Variants in TTC33 observed in about 807,000 individuals in gnomAD.
The protein encoded by TTC33 is tetratricopeptide repeat domain 33.
TTC33 carries 24 observed loss-of-function variants against 29.4 expected under a neutral mutation model. The ratio of observed to expected loss-of-function variants is 0.82; its 90% confidence interval spans 0.59 to 1.15. The LOEUF (loss-of-function observed/expected upper bound fraction) is 1.15. Among genes scored for constraint, TTC33 ranks in the 50% most tolerant of loss-of-function variants. The pLI, the probability that TTC33 is intolerant of heterozygous loss-of-function variation, is 0.00. For synonymous variants in TTC33, 107 were observed against 100.3 expected (o/e 1.07, Z -0.40); for missense variants, 286 against 310.4 (o/e 0.92, Z 0.59).
intron 4 of TTC33, among the ~76,000 whole-genome samples, chr5:40,717,791 C>A (rs571368352): frequency 1.3e-5 from 2 of 152,288 alleles, no homozygotes; most frequent in East Asian, 3.9e-4. Context: ...CGGCCAGGCA[C>A]CATGGCTCAC....
At chr5:40,754,456 A>C (rs1742949440) in intron 1 of TTC33, among the ~76,000 whole-genome samples, 1 of 152,208 alleles carries the variant, frequency 6.6e-6, no homozygotes, top group African/African-American at 2.4e-5. Context: ...TCAAAGTAAA[A>C]GGAAAATAAC....
intron 1 of TTC33, among the ~76,000 whole-genome samples, chr5:40,749,058 G>A (rs1391742565): frequency 6.6e-6 from 1 of 152,030 alleles, no homozygotes; most frequent in African/African-American, 2.4e-5. Flanking sequence ...CCCGGGAGGC[G>A]GAGGTTGCAG....
chr5:40,755,628 G>A (rs1742972135), intron 1 of TTC33, among the ~76,000 whole-genome samples, 196 bp downstream of exon 1: 1 of 152,212 alleles, frequency 6.6e-6, no homozygotes, highest in African/African-American at 2.4e-5. Flanking sequence ...AGGCTCTGCC[G>A]GATCCCGTCG....
chr5:40,751,689 T>C (rs1455330758), intron 1 of TTC33, among the ~76,000 whole-genome samples: 1 of 152,192 alleles, frequency 6.6e-6, no homozygotes, highest in Non-Finnish European at 1.5e-5. Flanking sequence ...CCATGCGCAG[T>C]GGCTCACACC....
intron 4 of TTC33, among the ~76,000 whole-genome samples, chr5:40,726,779 C>T (rs1742298443): frequency 6.6e-6 from 1 of 152,010 alleles, no homozygotes; most frequent in Admixed American, 6.6e-5. Context: ...TGTTCCATTA[C>T]CATAGACACT....
intron 2 of TTC33, among the ~76,000 whole-genome samples, chr5:40,730,906 A>G (rs1742411926): frequency 6.6e-6 from 1 of 152,146 alleles, no homozygotes; most frequent in South Asian, 2.1e-4. Context: ...ATTATTTATA[A>G]TAATAATAAA....
rs189227074 is a variant in TTC33, at chr5:40,715,338, A to C, written c.*807T>G. The C allele has an allele frequency of 1.1e-3, 166 of 152,388 alleles. No individual in the cohort carries two copies. The highest frequency in any genetic ancestry group is 2.1e-3 in the Non-Finnish European group (140 of 67,966). 9.4% of individuals were successfully genotyped at this position (152,388 alleles called of 1,614,324 possible). A position where few individuals can be genotyped will look rare whatever the true frequency, so the allele number is the denominator to read the frequency against. ...AGAAAGTATTGGTTTTGACTGGGATAATATAGCAGTACAATTGTCATTAAC... is the reference window on the plus strand; with the variant it reads ...AGAAAGTATTGGTTTTGACTGGGATCATATAGCAGTACAATTGTCATTAAC... On this transcript the variant is annotated 3_prime_UTR_variant, in exon 5 of 5. Coordinates refer to ENST00000337702, the MANE Select transcript of TTC33 (RefSeq NM_012382.3).
At chr5:40,724,729 T>C (rs1049274612) in intron 4 of TTC33, among the ~76,000 whole-genome samples, 1 of 152,000 alleles carries the variant, frequency 6.6e-6, no homozygotes, top group Non-Finnish European at 1.5e-5. Context: ...TTCTTAAGTG[T>C]CAACATACAA....
chr5:40,733,741 C>G (rs1042954605), intron 2 of TTC33, among the ~76,000 whole-genome samples: 4 of 152,196 alleles, frequency 2.6e-5, no homozygotes, highest in Admixed American at 1.3e-4. Context: ...CTGCTGAGAA[C>G]AGGATGGCTT....
intron 2 of TTC33, among the ~76,000 whole-genome samples, chr5:40,740,121 A>G (rs1043229295): frequency 3.9e-5 from 6 of 152,030 alleles, no homozygotes; most frequent in Admixed American, 3.9e-4. Context: ...TTATATATTT[A>G]CTTCTATATA....
intron 4 of TTC33, among the ~76,000 whole-genome samples, chr5:40,722,695 A>C (rs1742170067): frequency 6.6e-6 from 1 of 151,360 alleles, no homozygotes; most frequent in Non-Finnish European, 1.5e-5. Context: ...GGAAGTGAGG[A>C]GCGTCTCCGC....
chr5:40,746,689 T>C (rs1301979761), intron 2 of TTC33, 109 bp downstream of exon 2: 3 of 848,510 alleles, frequency 3.5e-6, no homozygotes, highest in African/African-American at 3.5e-5. Flanking sequence ...GCACCTAGAA[T>C]AGATTTTTAA....
chr5:40,720,103 A>C (rs1205862304), intron 4 of TTC33, among the ~76,000 whole-genome samples: 1 of 152,206 alleles, frequency 6.6e-6, no homozygotes, highest in African/African-American at 2.4e-5. Context: ...ATATCTAAAA[A>C]ATATTAATAT....
chr5:40,737,664 T>C (rs1287836578), intron 2 of TTC33, among the ~76,000 whole-genome samples: 1 of 152,218 alleles, frequency 6.6e-6, no homozygotes, highest in African/African-American at 2.4e-5. Flanking sequence ...TATATACTCA[T>C]GTAAATACAA....
chr5:40,740,177 T>C (rs1486217319), intron 2 of TTC33, among the ~76,000 whole-genome samples: 1 of 152,054 alleles, frequency 6.6e-6, no homozygotes, highest in Admixed American at 6.6e-5. Context: ...ATTATCTTTT[T>C]AAAGAATTTA....
At chr5:40,732,118 TC>T (rs760776133) in intron 2 of TTC33, among the ~76,000 whole-genome samples, 1 of 152,182 alleles carries the variant, frequency 6.6e-6, no homozygotes, top group Non-Finnish European at 1.5e-5. Flanking sequence ...CTCAAGGGCC[TC>T]CCACCTCAGC....
At chr5:40,747,513 C>A (rs1331761609) in intron 1 of TTC33, among the ~76,000 whole-genome samples, 1 of 152,140 alleles carries the variant, frequency 6.6e-6, no homozygotes, top group Non-Finnish European at 1.5e-5. Flanking sequence ...ACATCACACA[C>A]CTCCTGATGG....
In TTC33 at chr5:40,728,476, C is replaced by T. The variant is rs147596800; in HGVS notation, c.304G>A (p.Val102Met). The T allele has an allele frequency of 2.6e-5, 41 of 1,591,312 alleles. No homozygotes were observed. In the Middle Eastern group the frequency reaches 5.0e-4, roughly 19 times the overall value. The change falls in exon 4 of 5, where the codon GTG (valine) becomes ATG (methionine). Residue 102 changes from valine (V) to methionine (M), a missense_variant and splice_region_variant. Physicochemically the swap from Val to Met is conservative, Grantham distance 21. Coordinates refer to ENST00000337702, the MANE Select transcript of TTC33 (RefSeq NM_012382.3). ...DATLYEMKSQ[V>M]LMSLHEMFPA... ...AACATTTCATGAAGAGACATTAGCA[C>T]CTATAGGCAAAAAAAGACCAAAAAA...
At position 40,728,494 on chromosome 5, in the gene TTC33, C is replaced by A; in HGVS notation, c.304-18G>T. On this transcript the variant is annotated intron_variant, in intron 3 of 4. Transcript: ENST00000337702. ...ATTAGCACCTATAGGCAAAAAAAGACCAAAAAATCTGTCAGTAATATTCAT... is the reference window on the plus strand; with the variant it reads ...ATTAGCACCTATAGGCAAAAAAAGAACAAAAAATCTGTCAGTAATATTCAT... The A allele has an allele frequency of 6.4e-7, 1 of 1,573,532 alleles. No individual in the cohort carries two copies. Among genetic ancestry groups the A allele is most frequent in the Non-Finnish European group, 8.6e-7 (1 of 1,164,252 alleles).
Sources: gnomAD v4.1 joint callset for allele counts (sites outside exome capture counted in the v4.1 genomes callset) on GRCh38, gnomAD v4.1.1 for gene constraint, MANE v1.5 for transcripts, NCBI Gene and HGNC (gene_info 2026-07-23, HGNC 2026-07-21) for gene names.